Variants in USP10 observed in about 807,000 individuals in gnomAD.
The protein encoded by USP10 is ubiquitin carboxyl-terminal hydrolase 10.
A neutral mutation model predicts 84.5 loss-of-function variants in USP10; 22 were observed. The ratio of observed to expected loss-of-function variants is 0.26; its 90% CI spans 0.19 to 0.37. The LOEUF (loss-of-function observed/expected upper bound fraction) is 0.37. Ranked by LOEUF, USP10 falls within the 10% of genes least tolerant of loss-of-function variation. The pLI is 1.00. For synonymous variants in USP10, 454 were observed against 387.6 expected (o/e 1.17, Z -2.01); for missense variants, 1,019 against 998.9 (o/e 1.02, Z -0.27).
Position 84,733,626 on chromosome 16 carries a change from A to C in USP10, c.90+123A>C, listed in dbSNP as rs545928508. The stretch of plus-strand genomic sequence containing the variant: ...AGAGAAAAGTATGGAGACTAATATG[A>C]GAAATGCCTCAACCCACCAACTAGA... On this transcript the variant is annotated intron_variant, in intron 2 of 13. Transcript: ENST00000219473. 14 of 637,924 alleles carry C rather than the reference A, an allele frequency of 2.2e-5. No individual in the cohort carries two copies. In the South Asian group the frequency reaches 3.3e-4, roughly 15 times the overall value. 39.5% of individuals were successfully genotyped at this position (637,924 alleles called of 1,614,324 possible).
At chr16:84,726,019 T>C (rs977388605) in intron 1 of USP10, among the ~76,000 whole-genome samples, 1 of 152,196 alleles carries the variant, frequency 6.6e-6, no homozygotes, top group Non-Finnish European at 1.5e-5. Context: ...TCTTAGAGAT[T>C]GGTCATAGTT....
chr16:84,700,176 G>T, intron 1 of USP10, 65 bp downstream of exon 1: 3 of 1,169,810 alleles, frequency 2.6e-6, no homozygotes, highest in Non-Finnish European at 2.1e-6. Context: ...ACGCCGCGGC[G>T]GGCGGGCGTC....
chr16:84,769,207 A>G (rs1914174487), intron 11 of USP10, among the ~76,000 whole-genome samples: 1 of 152,218 alleles, frequency 6.6e-6, no homozygotes, highest in Admixed American at 6.5e-5. Context: ...AAGGTGCCCC[A>G]ACGTAGAAGA....
chr16:84,750,016 C>G (rs183671894), intron 4 of USP10, among the ~76,000 whole-genome samples: 3 of 152,252 alleles, frequency 2.0e-5, no homozygotes, highest in African/African-American at 4.8e-5. Flanking sequence ...TATCTAAACA[C>G]AAAAGCCCTG....
chr16:84,700,832 T>C (rs1904773388), intron 1 of USP10, among the ~76,000 whole-genome samples: 1 of 152,112 alleles, frequency 6.6e-6, no homozygotes, highest in South Asian at 2.1e-4. Context: ...AATCCCGTGG[T>C]GGAAAGAAAG....
rs1435859375 is a variant in USP10 at position 84,768,320 on chromosome 16, G to T, written c.1960G>T (p.Glu654Ter). 1 of 1,610,280 alleles carries T rather than the reference G, an allele frequency of 6.2e-7. No individual in the cohort carries two copies. The highest frequency in any genetic ancestry group is 2.2e-5 in the East Asian group (1 of 44,814). The change falls in exon 11 of 14, where the codon GAA (glutamate) becomes TAA (stop). Residue 654 changes from glutamate to a stop codon, truncating the protein, a stop_gained. Transcript: ENST00000219473. LOFTEE classifies it high-confidence loss of function. ...QDALESLVAR[E>*]SVQGYTTKTK... ...TGCACTGGAGAGCTTGGTGGCAAGA[G>T]AATCTGTCCAAGGTTATACCACAAA...
At chr16:84,746,094 GT>G (rs1402400925) in intron 4 of USP10, among the ~76,000 whole-genome samples, 510 of 142,538 alleles carry the variant, frequency 3.6e-3, no homozygotes, top group African/African-American at 9.0e-3. Flanking sequence ...AAATAACATG[GT>G]TTTTTTTTTT....
chr16:84,717,991 A>G (rs1354815050), intron 1 of USP10, among the ~76,000 whole-genome samples: 1 of 152,166 alleles, frequency 6.6e-6, no homozygotes, highest in Non-Finnish European at 1.5e-5. Flanking sequence ...AATTTATGGT[A>G]TTTTCAAAGT....
chr16:84,774,190 C>A (rs1041579364), intron 12 of USP10, among the ~76,000 whole-genome samples: 5 of 151,618 alleles, frequency 3.3e-5, no homozygotes, highest in Non-Finnish European at 7.4e-5. Flanking sequence ...GCAGAGGTTG[C>A]TGAGATCATG....
intron 1 of USP10, among the ~76,000 whole-genome samples, chr16:84,719,027 A>G (rs1907433109): frequency 6.6e-6 from 1 of 151,858 alleles, no homozygotes; most frequent in African/African-American, 2.4e-5. Flanking sequence ...CCTGACCTCA[A>G]ATGATCCACC....
chr16:84,708,401 A>G (rs1332303516), intron 1 of USP10, among the ~76,000 whole-genome samples: 2 of 152,214 alleles, frequency 1.3e-5, no homozygotes, highest in African/African-American at 2.4e-5. Flanking sequence ...CTGTGAGACA[A>G]GATCACGCCA....
intron 4 of USP10, among the ~76,000 whole-genome samples, chr16:84,747,119 C>T (rs186694064): frequency 6.6e-6 from 1 of 152,156 alleles, no homozygotes; most frequent in Non-Finnish European, 1.5e-5. Flanking sequence ...AAATGTTACG[C>T]CGCGCGTGAC....
intron 1 of USP10, among the ~76,000 whole-genome samples, chr16:84,729,616 CT>C (rs1212797006): frequency 5.3e-5 from 8 of 152,228 alleles, no homozygotes; most frequent in Non-Finnish European, 1.0e-4. Flanking sequence ...CTCTTAAACC[CT>C]TGGCACTGAC....
At position 84,744,769 on chromosome 16, in the gene USP10, T is replaced by C. The variant is rs776173015; in HGVS notation, c.288T>C (p.Ala96=). 1.2e-6 allele frequency: 2 copies of C among 1,613,730 alleles called. No homozygotes were observed. The highest frequency in any genetic ancestry group is 1.7e-6 in the Non-Finnish European group (2 of 1,179,722). Residue 96 remains alanine, a synonymous_variant, in exon 4 of 14, where the codon GCT becomes GCC. Coordinates refer to ENST00000219473, the MANE Select transcript of USP10 (RefSeq NM_005153.3). ...CTGAATTTATTCTCGGTTGTACAGC[T>C]TCCAAAATAACCCCTGATGGTATCA... The part of the protein sequence containing the change: ...QAPEFILGCT[A]SKITPDGITK...
At chr16:84,710,021 G>A (rs867342309) in intron 1 of USP10, among the ~76,000 whole-genome samples, 4 of 152,192 alleles carry the variant, frequency 2.6e-5, no homozygotes, top group African/African-American at 9.6e-5. Flanking sequence ...TGTAATCCCA[G>A]CACTTTGGGA....
intron 1 of USP10, among the ~76,000 whole-genome samples, chr16:84,711,406 A>G (rs1300701372): frequency 6.6e-6 from 1 of 152,226 alleles, no homozygotes; most frequent in African/African-American, 2.4e-5. Context: ...CTGATGTCCC[A>G]GAGAACTGGA....
At chr16:84,762,855 C>T (rs745757021) in intron 8 of USP10, 134 bp from the exon 9 acceptor site, 3 of 537,410 alleles carry the variant, frequency 5.6e-6, no homozygotes, top group Non-Finnish European at 1.0e-5. Flanking sequence ...CCCATGTCAT[C>T]ATGTCATTGT....
intron 1 of USP10, among the ~76,000 whole-genome samples, chr16:84,729,036 G>T (rs568470240): frequency 1.2e-4 from 19 of 152,230 alleles, no homozygotes; most frequent in African/African-American, 4.6e-4. Flanking sequence ...GAAGTCAAGT[G>T]ATCTGCTCGC....
intron 2 of USP10, 50 bp downstream of exon 2, chr16:84,733,553 G>A (rs987028406): frequency 1.6e-6 from 2 of 1,246,140 alleles, no homozygotes; most frequent in Non-Finnish European, 1.1e-6. Flanking sequence ...ACAATTAATA[G>A]TTATGTTTCT....
Sources: gnomAD v4.1 joint callset for allele counts (sites outside exome capture counted in the v4.1 genomes callset) on GRCh38, gnomAD v4.1.1 for gene constraint, MANE v1.5 for transcripts, NCBI Gene and HGNC (gene_info 2026-07-23, HGNC 2026-07-21) for gene names.